INVS: variants seen among roughly 807,000 people sequenced by gnomAD.
The protein encoded by INVS is inversin, also known as inversion of embryo turning homolog.
A neutral mutation model predicts 108.8 loss-of-function variants in INVS; 86 were observed. That is an observed-to-expected ratio of 0.79 (90% CI 0.66 to 0.95). INVS has a LOEUF of 0.95. Ranked by LOEUF, INVS falls within the 40% of genes least tolerant of loss-of-function variation. The probability of loss-of-function intolerance (pLI) is 0.00; values close to 1 mark genes in which losing one functional copy is unlikely to be tolerated. For missense variants in INVS, 1,169 were observed against 1,297.4 expected (o/e 0.90, Z 1.52); for synonymous variants, 455 against 473.5 (o/e 0.96, Z 0.51).
intron 6 of INVS, among the ~76,000 whole-genome samples, chr9:100,240,608 G>A (rs903729359): frequency 6.6e-6 from 1 of 151,866 alleles, no homozygotes; most frequent in Non-Finnish European, 1.5e-5. Flanking sequence ...ATATTTTCCT[G>A]AAATGCCTTT....
intron 3 of INVS, among the ~76,000 whole-genome samples, chr9:100,138,360 C>T (rs1004164215): frequency 5.3e-5 from 8 of 152,162 alleles, no homozygotes; most frequent in African/African-American, 1.9e-4. Flanking sequence ...GAGCCGAGAT[C>T]GTGCCATTGC....
At chr9:100,189,614 A>G (rs1205374287) in intron 3 of INVS, among the ~76,000 whole-genome samples, 1 of 151,844 alleles carries the variant, frequency 6.6e-6, no homozygotes, top group Non-Finnish European at 1.5e-5. Context: ...TACCTTATTG[A>G]TACTTGATTA....
rs528128870 is a variant in INVS at position 100,222,836 on chromosome 9, T to C, written c.274-3226T>C. Reference sequence around the variant, plus strand: ...TGGGCAAACTTTTTTTTTTTTTTTTTCCCCAAAGAAAAGATGGCAAGAAAT... The same window carrying C: ...TGGGCAAACTTTTTTTTTTTTTTTTCCCCCAAAGAAAAGATGGCAAGAAAT... On this transcript the variant is annotated intron_variant, in intron 3 of 16. Transcript: ENST00000262457. 1.1e-3 allele frequency among the ~76,000 whole-genome samples: 159 copies of C among 149,558 alleles called. 1 individual carries two copies. Among genetic ancestry groups the C allele is most frequent in the Admixed American group, 3.1e-3 (47 of 15,074 alleles).
chr9:100,213,795 A>G (rs2118318432), intron 3 of INVS, among the ~76,000 whole-genome samples: 1 of 152,256 alleles, frequency 6.6e-6, no homozygotes, highest in East Asian at 1.9e-4. Flanking sequence ...GGAATCTACC[A>G]CTTTTATAGT....
At chr9:100,173,280 A>G (rs1176881159) in intron 3 of INVS, among the ~76,000 whole-genome samples, 1 of 152,228 alleles carries the variant, frequency 6.6e-6, no homozygotes, top group Non-Finnish European at 1.5e-5. Flanking sequence ...CAGCCCTTGG[A>G]AGACCGTAAG....
chr9:100,237,214 C>T (rs777483203), intron 5 of INVS, among the ~76,000 whole-genome samples: 2 of 152,168 alleles, frequency 1.3e-5, no homozygotes, highest in South Asian at 2.1e-4. Flanking sequence ...CCCCCCACCA[C>T]GCTCAGGCAT....
chr9:100,287,700 T>C (rs1177340407), intron 13 of INVS, among the ~76,000 whole-genome samples: 1 of 152,240 alleles, frequency 6.6e-6, no homozygotes, highest in Non-Finnish European at 1.5e-5. Context: ...CCTTCCACCA[T>C]GATTGTAGGT....
chr9:100,163,677 C>T (rs1829265829), intron 3 of INVS, among the ~76,000 whole-genome samples: 1 of 151,796 alleles, frequency 6.6e-6, no homozygotes, highest in Admixed American at 6.6e-5. Context: ...TCAGGGTAGA[C>T]CTCACTTAAG....
intron 3 of INVS, among the ~76,000 whole-genome samples, chr9:100,197,580 C>G (rs189511615): frequency 6.6e-6 from 1 of 152,304 alleles, no homozygotes; most frequent in Non-Finnish European, 1.5e-5. Context: ...ATTCAGCTAT[C>G]CTGTACCCCA....
intron 3 of INVS, among the ~76,000 whole-genome samples, chr9:100,181,502 A>T (rs898702916): frequency 2.0e-5 from 3 of 152,170 alleles, no homozygotes; most frequent in Non-Finnish European, 2.9e-5. Context: ...TCATGAGTGA[A>T]CTCCTATTCA....
chr9:100,216,399 T>A (rs1329528455), intron 3 of INVS, among the ~76,000 whole-genome samples: 1 of 152,202 alleles, frequency 6.6e-6, no homozygotes, highest in African/African-American at 2.4e-5. Flanking sequence ...CATCGGGTTT[T>A]AACTTAGCCA....
intron 3 of INVS, among the ~76,000 whole-genome samples, chr9:100,153,453 C>T (rs1401908689): frequency 3.3e-5 from 5 of 151,854 alleles, no homozygotes; most frequent in Admixed American, 1.3e-4. Context: ...CAATATTGTT[C>T]GTCATAAAAG....
intron 5 of INVS, among the ~76,000 whole-genome samples, chr9:100,238,858 A>C (rs1185656646): frequency 2.0e-5 from 3 of 152,252 alleles, no homozygotes; most frequent in African/African-American, 7.2e-5. Context: ...AAAATTAATT[A>C]ACATTGTGAA....
chr9:100,259,180 A>G (rs1832526392), intron 10 of INVS, among the ~76,000 whole-genome samples: 1 of 152,136 alleles, frequency 6.6e-6, no homozygotes, highest in Non-Finnish European at 1.5e-5. Context: ...CTGCTGTGCT[A>G]GCAGTGAGTG....
chr9:100,104,498 G>A lies in INVS; in HGVS notation c.-24G>A, dbSNP rs1435850473. ...CTCATTGTCTGAATCATTGTTTCAG[G>A]TTGCTCCGGTTGCTAAGAAGACTAT... On this transcript the variant is annotated splice_region_variant and 5_prime_UTR_variant, in exon 2 of 17. Transcript: ENST00000262457. 1.8e-5 allele frequency: 28 copies of A among 1,532,046 alleles called. No individual in the cohort carries two copies. Among genetic ancestry groups the A allele is most frequent in the Middle Eastern group, 1.7e-4 (1 of 5,926 alleles). The allele number at this position is 1,532,046 out of a possible 1,614,324, so 94.9% of individuals were successfully genotyped here. A position where few individuals can be genotyped will look rare whatever the true frequency, so the allele number is the denominator to read the frequency against.
At chr9:100,235,644 T>A (rs562772923) in intron 5 of INVS, among the ~76,000 whole-genome samples, 2 of 152,330 alleles carry the variant, frequency 1.3e-5, no homozygotes, top group African/African-American at 4.8e-5. Flanking sequence ...TGGCTGGATA[T>A]GAAATTCTGA....
chr9:100,133,314 T>C (rs1828109824), intron 3 of INVS, among the ~76,000 whole-genome samples: 1 of 152,016 alleles, frequency 6.6e-6, no homozygotes, highest in African/African-American at 2.4e-5. Context: ...TCAATTCCCA[T>C]GCATATGTTT....
intron 3 of INVS, among the ~76,000 whole-genome samples, chr9:100,174,593 C>T (rs566344209): frequency 2.9e-4 from 44 of 152,084 alleles, no homozygotes; most frequent in South Asian, 2.1e-3. Flanking sequence ...ATTCAAGAAA[C>T]GTAATGAACT....
At chr9:100,101,010 T>TTATATAATATATATAATA (rs1554712619) in intron 1 of INVS, among the ~76,000 whole-genome samples, 14 of 95,080 alleles carry the variant, frequency 1.5e-4, no homozygotes, top group Non-Finnish European at 5.9e-5. Flanking sequence ...AATATATATA[T>TTATATAATATATATAATA]TATATGTATA....
Sources: allele counts gnomAD v4.1 joint callset (sites outside exome capture counted in the v4.1 genomes callset), GRCh38; gene constraint gnomAD v4.1.1; transcripts MANE v1.5; gene names NCBI Gene and HGNC (gene_info 2026-07-23, HGNC 2026-07-21).